The following RCAN2 variants were observed in gnomAD, a reference collection of about 807,000 sequenced individuals.
RCAN2 encodes regulator of calcineurin 2, also known as calcipressin-2.
A neutral mutation model predicts 23.6 loss-of-function variants in RCAN2; 9 were observed. That is an observed-to-expected ratio of 0.38 (90% CI 0.23 to 0.67). The LOEUF (loss-of-function observed/expected upper bound fraction) is 0.67, where lower values mean the gene tolerates loss of function less well. RCAN2 is among the 30% of genes least tolerant of loss of function. The pLI, the probability that RCAN2 is intolerant of heterozygous loss-of-function variation, is 0.51. For missense variants in RCAN2, 273 were observed against 302.3 expected, an observed-to-expected ratio of 0.90 and a Z score of 0.72; for synonymous variants, 109 against 115.7, an observed-to-expected ratio of 0.94 and a Z score of 0.37.
At chr6:46,416,877 T>A (rs537552856) in intron 2 of RCAN2, among the ~76,000 whole-genome samples, 1 of 152,288 alleles carries the variant, frequency 6.6e-6, no homozygotes, top group South Asian at 2.1e-4. Context: ...TATTCCAAAA[T>A]TTTTTCTGTG....
chr6:46,272,184 T>A (rs552718002), intron 2 of RCAN2, among the ~76,000 whole-genome samples: 2 of 152,332 alleles, frequency 1.3e-5, no homozygotes, highest in Non-Finnish European at 2.9e-5. Context: ...TCCATTGTTA[T>A]ACAAAATAGC....
intron 2 of RCAN2, among the ~76,000 whole-genome samples, chr6:46,362,832 G>A (rs2150384475): frequency 6.6e-6 from 1 of 152,254 alleles, no homozygotes; most frequent in East Asian, 1.9e-4. Context: ...CTAGGCTCCT[G>A]CATACCCATG....
At chr6:46,460,846 A>C (rs1476922426) in intron 1 of RCAN2, among the ~76,000 whole-genome samples, 1 of 152,226 alleles carries the variant, frequency 6.6e-6, no homozygotes, top group Non-Finnish European at 1.5e-5. Context: ...AAATGTATAC[A>C]CTAATGATAT....
chr6:46,307,144 A>G (rs543523311), intron 2 of RCAN2, among the ~76,000 whole-genome samples: 3 of 152,124 alleles, frequency 2.0e-5, no homozygotes, highest in Non-Finnish European at 2.9e-5. Context: ...AAATTCATCA[A>G]TTAAATATTG....
chr6:46,478,050 C>A (rs984914564), intron 1 of RCAN2, among the ~76,000 whole-genome samples: 10 of 152,194 alleles, frequency 6.6e-5, no homozygotes, highest in Admixed American at 2.0e-4. Context: ...GAACTACCAT[C>A]GGTCATTTTC....
At chr6:46,237,776 G>A (rs796952198) in intron 4 of RCAN2, among the ~76,000 whole-genome samples, 9 of 152,288 alleles carry the variant, frequency 5.9e-5, no homozygotes, top group African/African-American at 2.2e-4. Flanking sequence ...CTTCTACTTT[G>A]CTCTTGCAGA....
At chr6:46,427,925 G>A (rs1423559379) in intron 2 of RCAN2, among the ~76,000 whole-genome samples, 1 of 152,224 alleles carries the variant, frequency 6.6e-6, no homozygotes, top group East Asian at 1.9e-4. Flanking sequence ...GGCTAAGCTA[G>A]GACCACATTT....
At chr6:46,477,639 GAA>G (rs1205825447) in intron 1 of RCAN2, among the ~76,000 whole-genome samples, 1 of 152,160 alleles carries the variant, frequency 6.6e-6, no homozygotes, top group Admixed American at 6.5e-5. Flanking sequence ...ATTATCTACT[GAA>G]AAGAGATTTG....
At chr6:46,326,750 G>A (rs138686625) in intron 2 of RCAN2, among the ~76,000 whole-genome samples, 5 of 152,274 alleles carry the variant, frequency 3.3e-5, no homozygotes, top group African/African-American at 1.2e-4. Flanking sequence ...ATAACAGATT[G>A]GTACTTTTCT....
intron 2 of RCAN2, among the ~76,000 whole-genome samples, chr6:46,409,222 T>C (rs1317367769): frequency 8.5e-5 from 13 of 152,222 alleles, no homozygotes; most frequent in Non-Finnish European, 1.5e-5. Flanking sequence ...AGATACACTT[T>C]CTTTTGAATA....
intron 2 of RCAN2, among the ~76,000 whole-genome samples, chr6:46,397,734 A>G (rs553767028): frequency 6.6e-6 from 1 of 152,312 alleles, no homozygotes; most frequent in African/African-American, 2.4e-5. Flanking sequence ...ATCCCAAAGT[A>G]GTCTATAATG....
At chr6:46,360,833 T>A (rs1385399792) in intron 2 of RCAN2, among the ~76,000 whole-genome samples, 1 of 152,186 alleles carries the variant, frequency 6.6e-6, no homozygotes, top group East Asian at 1.9e-4. Context: ...ACTTACTTGT[T>A]GATAATGGAG....
chr6:46,243,808 T>TTAA (rs1582023034), intron 4 of RCAN2, among the ~76,000 whole-genome samples: 1 of 7,520 alleles, frequency 1.3e-4, no homozygotes, highest in Non-Finnish European at 3.2e-4. Context: ...AGATTCTGTC[T>TTAA]CAAAAAAAAA....
intron 2 of RCAN2, among the ~76,000 whole-genome samples, chr6:46,370,134 G>A (rs777043730): frequency 4.6e-5 from 7 of 152,138 alleles, no homozygotes; most frequent in Non-Finnish European, 8.8e-5. Context: ...TCTCTGGTGA[G>A]TTCTAGTCTG....
Position 46,222,411 on chromosome 6 carries a change from A to T in RCAN2, c.*730T>A, listed in dbSNP as rs1765507724. ...CTATCACCCTGGACAAGCCTCCCCAACGAGGCTGGGAGAGTTCTACAGGGG... is the reference window on the plus strand; with the variant it reads ...CTATCACCCTGGACAAGCCTCCCCATCGAGGCTGGGAGAGTTCTACAGGGG... On this transcript the variant is annotated 3_prime_UTR_variant, in exon 5 of 5. Coordinates refer to ENST00000371374, the MANE Select transcript of RCAN2 (RefSeq NM_001251974.2). 1 of 155,086 alleles carries T rather than the reference A, an allele frequency of 6.4e-6. No individual in the cohort carries two copies. Among genetic ancestry groups the T allele is most frequent in the Non-Finnish European group, 1.4e-5 (1 of 69,778 alleles). The allele number at this position is 155,086 out of a possible 1,614,324, so 9.6% of individuals were successfully genotyped here.
intron 2 of RCAN2, among the ~76,000 whole-genome samples, chr6:46,390,601 C>T (rs1043879572): frequency 6.6e-6 from 1 of 152,202 alleles, no homozygotes; most frequent in African/African-American, 2.4e-5. Context: ...AATAAATGAA[C>T]ATCTGTGATT....
intron 2 of RCAN2, among the ~76,000 whole-genome samples, chr6:46,422,999 C>G (rs1038775530): frequency 2.0e-5 from 3 of 152,170 alleles, no homozygotes; most frequent in Non-Finnish European, 2.9e-5. Context: ...AGACTTATCT[C>G]AGACCATCCT....
chr6:46,339,030 A>AAAAAAAAAAC, intron 2 of RCAN2, among the ~76,000 whole-genome samples: 1 of 150,916 alleles, frequency 6.6e-6, no homozygotes, highest in Non-Finnish European at 1.5e-5. Context: ...AAAAAAAAAA[A>AAAAAAAAAAC]AAAAAAAAAG....
At chr6:46,337,998 G>T (rs1334395400) in intron 2 of RCAN2, among the ~76,000 whole-genome samples, 1 of 152,164 alleles carries the variant, frequency 6.6e-6, no homozygotes, top group Admixed American at 6.5e-5. Flanking sequence ...GGAATGGAAG[G>T]ATATGCAAGT....
Sources: gnomAD v4.1 joint callset for allele counts (sites outside exome capture counted in the v4.1 genomes callset) on GRCh38, gnomAD v4.1.1 for gene constraint, MANE v1.5 for transcripts, NCBI Gene and HGNC (gene_info 2026-07-23, HGNC 2026-07-21) for gene names.